ZFHX3: variants seen among roughly 807,000 people sequenced by gnomAD.
ZFHX3 encodes zinc finger homeobox protein 3.
A neutral mutation model predicts 279.1 loss-of-function variants in ZFHX3; 42 were observed. The observed-to-expected ratio is 0.15, with a 90% CI of 0.12 to 0.19. The LOEUF is 0.19. Ranked by LOEUF, ZFHX3 falls within the 10% of genes least tolerant of loss-of-function variation. ZFHX3 has a pLI of 1.00. For synonymous variants in ZFHX3, 2,293 were observed against 1,957.8 expected (o/e 1.17, Z -4.52); for missense variants, 4,981 against 4,754.0 (o/e 1.05, Z -1.40).
chr16:73,551,142 G>A (rs2020197931), intron 2 of ZFHX3, among the ~76,000 whole-genome samples: 1 of 152,152 alleles, frequency 6.6e-6, no homozygotes. Flanking sequence ...TGGTTTGACA[G>A]AGCAGATTTT....
At chr16:73,791,301 A>C (rs2142314650) in intron 1 of ZFHX3, among the ~76,000 whole-genome samples, 1 of 151,768 alleles carries the variant, frequency 6.6e-6, no homozygotes, top group South Asian at 2.1e-4. Context: ...CCCAAGCTTG[A>C]CGCCAAATGT....
intron 7 of ZFHX3, among the ~76,000 whole-genome samples, chr16:73,112,710 C>T (rs1349250604): frequency 6.6e-5 from 5 of 75,944 alleles, no homozygotes; most frequent in Non-Finnish European, 1.1e-4. Context: ...CGTGAGACTC[C>T]ATCTCAAAAA....
chr16:73,673,216 C>A (rs2052921330), intron 2 of ZFHX3, among the ~76,000 whole-genome samples: 1 of 151,998 alleles, frequency 6.6e-6, no homozygotes, highest in African/African-American at 2.4e-5. Context: ...AGGAGGATAT[C>A]AAGATAAGAA....
chr16:73,461,705 G>A (rs1273008428), intron 2 of ZFHX3, among the ~76,000 whole-genome samples: 1 of 152,136 alleles, frequency 6.6e-6, no homozygotes, highest in Non-Finnish European at 1.5e-5. Flanking sequence ...ATTTGTGTGG[G>A]TCTATTTCTG....
chr16:72,811,605 G>T lies in ZFHX3; in HGVS notation c.3836C>A (p.Pro1279His). Residue 1279 changes from proline to histidine, a missense_variant, in exon 7 of 10, where the codon CCT (proline) becomes CAT (histidine). By Grantham distance (77) the Pro-to-His change is moderately conservative. Around this residue, in one of 7 missense-constraint regions of ZFHX3, gnomAD observed 1,751 missense variants for 1,770.0 expected, o/e 0.99. Coordinates refer to ENST00000268489, the MANE Select transcript of ZFHX3 (RefSeq NM_006885.4). ...CATAATGAGCTTCTCCACGCAGTCA[G>T]GTGCCACGCTGTGGAGGTGGGTGAG... is the stretch of plus-strand genomic sequence containing the variant. ...LHLTHLHSVA[P>H]DCVEKLIMTV... The T allele has an allele frequency of 6.2e-7, 1 of 1,607,370 alleles. No individual in the cohort carries two copies.
At chr16:73,448,496 A>G (rs1348910380) in intron 3 of ZFHX3, among the ~76,000 whole-genome samples, 1 of 152,206 alleles carries the variant, frequency 6.6e-6, no homozygotes, top group African/African-American at 2.4e-5. Flanking sequence ...AAGACTGAAA[A>G]TAGAAAAACT....
intron 1 of ZFHX3, among the ~76,000 whole-genome samples, chr16:73,035,546 A>C (rs1265358704): frequency 1.3e-5 from 2 of 152,226 alleles, no homozygotes; most frequent in Admixed American, 1.3e-4. Context: ...TCAAGTATAA[A>C]CTAAGAAAAA....
intron 1 of ZFHX3, among the ~76,000 whole-genome samples, chr16:73,877,304 A>G (rs1252837063): frequency 6.6e-6 from 1 of 152,080 alleles, no homozygotes. Context: ...ATCAGACCAG[A>G]CACCCATTAG....
At chr16:73,037,327 C>T (rs374368220) in intron 1 of ZFHX3, among the ~76,000 whole-genome samples, 17 of 152,224 alleles carry the variant, frequency 1.1e-4, no homozygotes, top group East Asian at 3.9e-4. Flanking sequence ...CTAAGAAAAG[C>T]GGTTTTTAGG....
In ZFHX3 at chr16:72,787,665, C is replaced by A. The variant is rs772450003; in HGVS notation, c.10611G>T (p.Ala3537=). The A allele has an allele frequency of 5.1e-6, 8 of 1,572,432 alleles. No homozygotes were observed. The East Asian group carries it at 1.7e-4, about 33-fold the overall frequency. Residue 3537 remains alanine, a synonymous_variant, in exon 10 of 10, where the codon GCG becomes GCT. Transcript: ENST00000268489. ...GACTCAGAGCTTCCTCCCCACAGAG[C>A]GCGCTCTCGCACGCCAGGCAGTGGT... is the stretch of plus-strand genomic sequence containing the variant. ...GSYHCLACES[A]LCGEEALSQH...
chr16:73,023,475 A>G (rs559413371), intron 1 of ZFHX3, among the ~76,000 whole-genome samples: 17 of 152,262 alleles, frequency 1.1e-4, no homozygotes, highest in African/African-American at 3.8e-4. Flanking sequence ...GGTGAATAAG[A>G]TAAGCACAGC....
At chr16:73,683,593 G>A (rs1466278295) in intron 1 of ZFHX3, among the ~76,000 whole-genome samples, 1 of 152,022 alleles carries the variant, frequency 6.6e-6, no homozygotes, top group Non-Finnish European at 1.5e-5. Context: ...CAAGGCTGGA[G>A]TGCAATGGTG....
At position 73,279,102 on chromosome 16, in the gene ZFHX3, A is replaced by T. The variant is rs115586292; in HGVS notation, c.-1193-21966T>A. ...CTTTTTGTAATCTTTACAAATTACA[A>T]TGCTAATCATCTTAGGGATTTTTTT... On this transcript the variant is annotated intron_variant, in intron 4 of 17. Transcript: ENST00000641206. Among the ~76,000 whole-genome samples the T allele has an allele frequency of 4.9e-3, 748 of 152,284 alleles. 8 individuals are homozygous for T. Among genetic ancestry groups the T allele is most frequent in the African/African-American group, 0.017 (714 of 41,552 alleles).
chr16:72,867,505 A>G (rs2038050914), intron 4 of ZFHX3, among the ~76,000 whole-genome samples: 1 of 152,252 alleles, frequency 6.6e-6, no homozygotes, highest in Admixed American at 6.5e-5. Context: ...TAAGACTGTA[A>G]GAAGCAACAT....
chr16:73,649,890 G>A (rs1387642319), intron 2 of ZFHX3, among the ~76,000 whole-genome samples: 1 of 152,300 alleles, frequency 6.6e-6, no homozygotes, highest in East Asian at 1.9e-4. Context: ...CCTGGCAAGA[G>A]GAAATCTGCA....
chr16:72,841,132 G>T (rs1237960615), intron 4 of ZFHX3, among the ~76,000 whole-genome samples: 1 of 152,194 alleles, frequency 6.6e-6, no homozygotes, highest in African/African-American at 2.4e-5. Flanking sequence ...GAGTTCCCTG[G>T]TGCCAGCGGA....
At chr16:73,685,599 A>G (rs758766980) in intron 1 of ZFHX3, among the ~76,000 whole-genome samples, 6 of 152,234 alleles carry the variant, frequency 3.9e-5, no homozygotes, top group Non-Finnish European at 7.3e-5. Context: ...GTGTTGTTTT[A>G]AGCCACCAAG....
intron 1 of ZFHX3, among the ~76,000 whole-genome samples, chr16:73,758,233 AATTCATTC>A (rs5817875): frequency 1.3e-5 from 2 of 150,722 alleles, no homozygotes; most frequent in South Asian, 2.1e-4. Context: ...TGTTACTAGA[AATTCATTC>A]ATTCATTCAT....
chr16:73,721,216 G>A (rs576829135), intron 1 of ZFHX3, among the ~76,000 whole-genome samples: 1 of 152,270 alleles, frequency 6.6e-6, no homozygotes, highest in African/African-American at 2.4e-5. Flanking sequence ...CCGCCTCCCG[G>A]GTTCAAGCGA....
Sources: gnomAD v4.1 joint callset for allele counts (sites outside exome capture counted in the v4.1 genomes callset) on GRCh38, gnomAD v4.1.1 for gene constraint, gnomAD v4.1.1 regional missense constraint, MANE v1.5 for transcripts, NCBI Gene and HGNC (gene_info 2026-07-23, HGNC 2026-07-21) for gene names.